Variants in CR1 observed in about 807,000 individuals in gnomAD.
CR1 encodes complement C3b/C4b receptor 1 (Knops blood group).
CR1 carries 116 observed loss-of-function variants against 187.3 expected under a neutral mutation model. That is an observed-to-expected ratio of 0.62 (90% CI 0.53 to 0.72). CR1 has a LOEUF of 0.72. Ranked by LOEUF, CR1 falls within the 30% of genes least tolerant of loss-of-function variation. The pLI is 0.00. For missense variants in CR1, 1,731 were observed against 2,110.7 expected (o/e 0.82, Z 3.52); for synonymous variants, 576 against 747.1 (o/e 0.77, Z 3.73).
chr1:207,605,213 T>A (rs1451912500), intron 35 of CR1, among the ~76,000 whole-genome samples: 1 of 140,376 alleles, frequency 7.1e-6, no homozygotes, highest in East Asian at 2.1e-4. Flanking sequence ...TAAGCCAAGA[T>A]CACATCACTG....
At chr1:207,500,119 T>G (rs1323481131) in intron 1 of CR1, among the ~76,000 whole-genome samples, 2 of 152,216 alleles carry the variant, frequency 1.3e-5, no homozygotes, top group Non-Finnish European at 2.9e-5. Flanking sequence ...GAAATAAGCT[T>G]TACATTCACT....
At chr1:207,512,051 A>C (rs1283105366) in intron 4 of CR1, among the ~76,000 whole-genome samples, 4 of 152,212 alleles carry the variant, frequency 2.6e-5, no homozygotes, top group Admixed American at 6.5e-5. Context: ...CGAGATCAAC[A>C]CATCCTCTTG....
chr1:207,565,712 G>A, intron 23 of CR1, 126 bp from the exon 24 acceptor site: 1 of 1,258,288 alleles, frequency 7.9e-7, no homozygotes. Context: ...AAGGTAGCCT[G>A]TGCAACTCTG....
rs201056324 is a variant in CR1 at position 207,628,282 on chromosome 1, TG to T, written c.7353-2234del. On this transcript the variant is annotated intron_variant, in intron 45 of 46. Coordinates refer to ENST00000367049, the MANE Select transcript of CR1 (RefSeq NM_000651.6). ...TCTCTACTATTCTCCTCACCATCCCTGCTCCCTGGACTATGATCCCCTGTGA... is the reference window on the plus strand; with the variant it reads ...TCTCTACTATTCTCCTCACCATCCCTCTCCCTGGACTATGATCCCCTGTGA... Among the ~76,000 whole-genome samples, 1,196 of 152,302 alleles carry T rather than the reference TG, an allele frequency of 7.9e-3. 20 individuals are homozygous for T. The highest frequency in any genetic ancestry group is 0.027 in the African/African-American group (1,131 of 41,570).
At position 207,608,693 on chromosome 1, in the gene CR1, A is replaced by G. The variant is rs74153328; in HGVS notation, c.5897-597A>G. 8.0e-3 allele frequency among the ~76,000 whole-genome samples: 1,213 copies of G among 152,308 alleles called. 15 individuals carry two copies. The highest frequency in any genetic ancestry group is 0.027 in the African/African-American group (1,134 of 41,574). ...CACCTTTTGTAGGGGGTTATCTTTTATAAAAAAATTTCCACTTCTACATTT... is the reference window on the plus strand; with the variant it reads ...CACCTTTTGTAGGGGGTTATCTTTTGTAAAAAAATTTCCACTTCTACATTT... On this transcript the variant is annotated intron_variant, in intron 36 of 46. Transcript: ENST00000367049.
intron 4 of CR1, 136 bp from the exon 5 acceptor site, chr1:207,523,475 A>G (rs1022757290): frequency 4.2e-6 from 6 of 1,434,374 alleles, no homozygotes; most frequent in Middle Eastern, 2.5e-4. Flanking sequence ...ACAACTTTAT[A>G]AAAATGTACC....
chr1:207,634,767 G>T (rs1202185246), intron 46 of CR1, among the ~76,000 whole-genome samples: 7 of 152,180 alleles, frequency 4.6e-5, no homozygotes, highest in Admixed American at 6.5e-5. Flanking sequence ...TTAACTGTAA[G>T]TAGAAGAGGA....
At position 207,506,757 on chromosome 1, in the gene CR1, G is replaced by T. The variant is rs3991748; in HGVS notation, c.345G>T (p.Val115=). 5.2e-4 allele frequency: 834 copies of T among 1,613,624 alleles called. 19 individuals are homozygous for T. In the South Asian group the frequency reaches 8.3e-3, roughly 16 times the overall value. ...CTCCAGATCCTGTGAATGGCATGGT[G>T]CATGTGATCAAAGGCATCCAGTTCG... ...RNPPDPVNGM[V]HVIKGIQFGS... Residue 115 remains valine, a synonymous_variant, in exon 3 of 47, where the codon GTG becomes GTT. Transcript: ENST00000367049.
rs939849013 is a variant in CR1, at chr1:207,639,848, T to C, written c.*439T>C. 2 of 154,288 alleles carry C rather than the reference T, an allele frequency of 1.3e-5. No individual in the cohort carries two copies. Among genetic ancestry groups the C allele is most frequent in the African/African-American group, 4.9e-5 (2 of 40,856 alleles). 9.6% of individuals were successfully genotyped at this position (154,288 alleles called of 1,614,324 possible). On this transcript the variant is annotated 3_prime_UTR_variant, in exon 47 of 47. Coordinates refer to ENST00000367049, the MANE Select transcript of CR1 (RefSeq NM_000651.6). ...ATAAGTCACTTATAATTATGCTACC[T>C]ACTGATAACCACTCCTAATATTTTG...
intron 33 of CR1, among the ~76,000 whole-genome samples, chr1:207,586,596 A>G (rs908112599): frequency 2.6e-5 from 4 of 152,266 alleles, no homozygotes; most frequent in African/African-American, 9.6e-5. Flanking sequence ...ATGTTGGCAG[A>G]GGTATTTTCC....
chr1:207,617,066 G>C (rs1662121204), intron 41 of CR1, among the ~76,000 whole-genome samples: 2 of 151,900 alleles, frequency 1.3e-5, no homozygotes, highest in Non-Finnish European at 1.5e-5. Context: ...GAATTGATGA[G>C]GTCCAGATTT....
At chr1:207,505,734 C>A (rs1200117076) in intron 1 of CR1, among the ~76,000 whole-genome samples, 170 bp from the exon 2 acceptor site, 1 of 151,998 alleles carries the variant, frequency 6.6e-6, no homozygotes, top group African/African-American at 2.4e-5. Context: ...ACTCAGGAAG[C>A]TGAGGTAAGG....
intron 3 of CR1, among the ~76,000 whole-genome samples, chr1:207,509,184 C>T (rs2102284804): frequency 6.6e-6 from 1 of 152,330 alleles, no homozygotes; most frequent in South Asian, 2.1e-4. Context: ...TCCCAGGCTT[C>T]ACTGTCCCTC....
intron 1 of CR1, among the ~76,000 whole-genome samples, chr1:207,502,325 A>G (rs1659296853): frequency 6.6e-6 from 1 of 152,190 alleles, no homozygotes; most frequent in South Asian, 2.1e-4. Flanking sequence ...AGAAATTATT[A>G]TAGGGTGGGG....
At chr1:207,502,257 G>A (rs2102332098) in intron 1 of CR1, among the ~76,000 whole-genome samples, 1 of 152,228 alleles carries the variant, frequency 6.6e-6, no homozygotes, top group Non-Finnish European at 1.5e-5. Flanking sequence ...AAGATAAAAA[G>A]CACAAATTGT....
intron 46 of CR1, among the ~76,000 whole-genome samples, chr1:207,635,455 T>G (rs1662784004): frequency 6.6e-6 from 1 of 152,204 alleles, no homozygotes. Context: ...CTCAATGCCT[T>G]AAAGAGCAGT....
intron 31 of CR1, among the ~76,000 whole-genome samples, chr1:207,581,652 A>G (rs944665540): frequency 7.2e-5 from 11 of 152,136 alleles, no homozygotes; most frequent in Non-Finnish European, 1.3e-4. Context: ...GTAAGTAGAA[A>G]TATTCTAAAT....
chr1:207,510,137 G>A (rs1558216591), intron 3 of CR1, among the ~76,000 whole-genome samples: 1 of 152,136 alleles, frequency 6.6e-6, no homozygotes, highest in Non-Finnish European at 1.5e-5. Flanking sequence ...AATCCGGGAG[G>A]TGGAGGTTGC....
chr1:207,524,322 C>T (rs1660098937), intron 5 of CR1, among the ~76,000 whole-genome samples: 1 of 151,986 alleles, frequency 6.6e-6, no homozygotes. Context: ...ATAATACAGG[C>T]TACATGTGAA....
Sources: gnomAD v4.1 joint callset for allele counts (sites outside exome capture counted in the v4.1 genomes callset) on GRCh38, gnomAD v4.1.1 for gene constraint, MANE v1.5 for transcripts, NCBI Gene and HGNC (gene_info 2026-07-23, HGNC 2026-07-21) for gene names.